The following BCAT1 variants were observed in gnomAD, a reference collection of about 807,000 sequenced individuals.
BCAT1 encodes the protein branched-chain-amino-acid aminotransferase, cytosolic.
Under a neutral mutation model 52.4 loss-of-function variants are expected in BCAT1, and 48 were observed. The ratio of observed to expected loss-of-function variants is 0.92; its 90% CI spans 0.73 to 1.16. BCAT1 has a LOEUF of 1.16. Among genes scored for constraint, BCAT1 ranks in the 50% most tolerant of loss-of-function variants. The pLI, the probability that BCAT1 is intolerant of heterozygous loss-of-function variation, is 0.00. For synonymous variants in BCAT1, 167 were observed against 161.3 expected (o/e 1.04, Z -0.27); for missense variants, 451 against 457.1 (o/e 0.99, Z 0.12).
chr12:24,942,249 A>G (rs573975063), intron 1 of BCAT1, among the ~76,000 whole-genome samples: 2 of 152,308 alleles, frequency 1.3e-5, no homozygotes, highest in South Asian at 4.1e-4. Flanking sequence ...GAATAAGAGA[A>G]TAAGAAAGAA....
chr12:24,864,570 G>A (rs915746459), intron 5 of BCAT1, among the ~76,000 whole-genome samples: 3 of 152,122 alleles, frequency 2.0e-5, no homozygotes, highest in South Asian at 4.1e-4. Flanking sequence ...AGGAATGTGA[G>A]AAATCTTTTG....
intron 7 of BCAT1, among the ~76,000 whole-genome samples, chr12:24,839,064 T>C (rs1224740050): frequency 1.3e-5 from 2 of 152,216 alleles, no homozygotes; most frequent in Admixed American, 6.5e-5. Context: ...TGAACAAAAC[T>C]GACATATCTC....
chr12:24,842,443 G>A (rs560551467), intron 6 of BCAT1, among the ~76,000 whole-genome samples: 1 of 152,054 alleles, frequency 6.6e-6, no homozygotes, highest in African/African-American at 2.4e-5. Context: ...AGAGAACAAC[G>A]TGAAACCTTG....
At chr12:24,855,096 CAG>C (rs1396402242) in intron 5 of BCAT1, among the ~76,000 whole-genome samples, 1 of 152,066 alleles carries the variant, frequency 6.6e-6, no homozygotes, top group Non-Finnish European at 1.5e-5. Flanking sequence ...AAAAGGGAAA[CAG>C]TAGCTTAAAA....
intron 3 of BCAT1, among the ~76,000 whole-genome samples, chr12:24,883,915 G>A (rs1268574356): frequency 6.6e-6 from 1 of 152,160 alleles, no homozygotes; most frequent in Non-Finnish European, 1.5e-5. Context: ...AGGTGGTAAT[G>A]CTCACTCGCA....
At position 24,836,494 on chromosome 12, in the gene BCAT1, A is replaced by C. The variant is rs368851176; in HGVS notation, c.903+17T>G. On this transcript the variant is annotated intron_variant, in intron 8 of 10. Transcript: ENST00000261192. ...TATTTCAGGCTTACAAAAGTTGTTC[A>C]TATCAAAGGCACCCACCCACTGATG... 31 of 1,600,954 alleles carry C rather than the reference A, an allele frequency of 1.9e-5. No homozygotes were observed. In the African/African-American group the frequency reaches 3.7e-4, roughly 19 times the overall value.
intron 1 of BCAT1, among the ~76,000 whole-genome samples, chr12:24,930,811 G>A (rs555172205): frequency 6.6e-6 from 1 of 151,924 alleles, no homozygotes; most frequent in South Asian, 2.1e-4. Flanking sequence ...TCCTTTAGAA[G>A]GTTCTTTAGA....
At chr12:24,907,473 C>A (rs1943243486) in intron 1 of BCAT1, among the ~76,000 whole-genome samples, 1 of 152,200 alleles carries the variant, frequency 6.6e-6, no homozygotes, top group South Asian at 2.1e-4. Flanking sequence ...CCTGAAGCAA[C>A]TGAAGATCAA....
intron 5 of BCAT1, among the ~76,000 whole-genome samples, chr12:24,856,996 C>A (rs776134793): frequency 6.6e-6 from 1 of 152,130 alleles, no homozygotes; most frequent in African/African-American, 2.4e-5. Flanking sequence ...TAAAAATTAT[C>A]TTGAGCAGTT....
chr12:24,845,996 T>A (rs1941333546), intron 6 of BCAT1, among the ~76,000 whole-genome samples: 1 of 152,202 alleles, frequency 6.6e-6, no homozygotes, highest in Non-Finnish European at 1.5e-5. Context: ...AAATAAATTA[T>A]TTTTTCATAT....
At chr12:24,887,663 C>A (rs888690799) in intron 3 of BCAT1, among the ~76,000 whole-genome samples, 1 of 152,196 alleles carries the variant, frequency 6.6e-6, no homozygotes, top group Admixed American at 6.5e-5. Flanking sequence ...TATGAGCATT[C>A]ATTTATTAGT....
At chr12:24,884,583 CACT>C (rs1401912066) in intron 3 of BCAT1, among the ~76,000 whole-genome samples, 2 of 152,088 alleles carry the variant, frequency 1.3e-5, no homozygotes, top group African/African-American at 4.8e-5. Context: ...TATATCAAAA[CACT>C]ACATCGTACC....
Position 24,816,582 on chromosome 12 carries a change from T to C in BCAT1, c.*1426A>G. ...ATAAAAATCAGAGTATGCCTCTTTGTTTTCTACCAAAAAAAAAAAAAAAAG... is the reference window on the plus strand; with the variant it reads ...ATAAAAATCAGAGTATGCCTCTTTGCTTTCTACCAAAAAAAAAAAAAAAAG... On this transcript the variant is annotated 3_prime_UTR_variant, in exon 11 of 11. Transcript: ENST00000261192. The C allele has an allele frequency of 2.8e-6, 1 of 360,346 alleles. No individual in the cohort carries two copies. The highest frequency in any genetic ancestry group is 4.7e-6 in the Non-Finnish European group (1 of 211,144). 22.3% of individuals were successfully genotyped at this position (360,346 alleles called of 1,614,324 possible).
chr12:24,834,560 T>A lies in BCAT1; in HGVS notation c.904-1697A>T, dbSNP rs562626303. 1.5e-4 allele frequency: 148 copies of A among 973,222 alleles called. 2 individuals are homozygous for A. In the South Asian group the frequency reaches 5.7e-3, roughly 37 times the overall value. The allele number at this position is 973,222 out of a possible 1,614,324, so 60.3% of individuals were successfully genotyped here. A position where few individuals can be genotyped will look rare whatever the true frequency, so the allele number is the denominator to read the frequency against. ...AAATAAGATGAGTATTTTTTCTTAA[T>A]TTATAAACCCACAAGAGATAAAAAT... is the stretch of plus-strand genomic sequence containing the variant. On this transcript the variant is annotated intron_variant, in intron 8 of 10. Transcript: ENST00000261192.
At chr12:24,872,868 G>C (rs1173039840) in intron 5 of BCAT1, among the ~76,000 whole-genome samples, 1 of 152,224 alleles carries the variant, frequency 6.6e-6, no homozygotes, top group Non-Finnish European at 1.5e-5. Context: ...AATGGAGAGA[G>C]TGGGTGGGAT....
chr12:24,851,231 A>G (rs11047679), intron 5 of BCAT1, among the ~76,000 whole-genome samples: 23,697 of 152,200 alleles, frequency 0.16, 2,156 homozygotes, highest in Middle Eastern at 0.26. Context: ...TCTTCACTAG[A>G]GCCTGGTCTA....
chr12:24,818,183 T>A, intron 10 of BCAT1, 134 bp from the exon 11 acceptor site: 1 of 798,982 alleles, frequency 1.3e-6, no homozygotes, highest in East Asian at 2.6e-5. Flanking sequence ...ACATTAAACA[T>A]GTTCACATTA....
At chr12:24,866,753 T>C (rs11613710) in intron 5 of BCAT1, among the ~76,000 whole-genome samples, 17,549 of 152,198 alleles carry the variant, frequency 0.12, 1,108 homozygotes, top group East Asian at 0.17. Flanking sequence ...AGAACTTTTG[T>C]GTCTAGCTCA....
At chr12:24,886,832 TAAA>T (rs1216608757) in intron 3 of BCAT1, among the ~76,000 whole-genome samples, 5 of 121,582 alleles carry the variant, frequency 4.1e-5, no homozygotes, top group Admixed American at 8.6e-5. Context: ...CCCTGTCTCT[TAAA>T]AAAAAAAAAA....
Sources: gnomAD v4.1 joint callset for allele counts (sites outside exome capture counted in the v4.1 genomes callset) on GRCh38, gnomAD v4.1.1 for gene constraint, MANE v1.5 for transcripts, NCBI Gene and HGNC (gene_info 2026-07-23, HGNC 2026-07-21) for gene names.